The following DOCK8 variants were observed in gnomAD, a reference collection of about 807,000 sequenced individuals.
DOCK8 encodes dedicator of cytokinesis 8, also known as dedicator of cytokinesis protein 8.
Under a neutral mutation model 245.6 loss-of-function variants are expected in DOCK8, and 141 were observed. The ratio of observed to expected loss-of-function variants is 0.57; its 90% CI spans 0.50 to 0.66. DOCK8 has a LOEUF of 0.66. Among genes scored for constraint, DOCK8 ranks in the 30% least tolerant of loss-of-function variants. The pLI is 0.00. For synonymous variants in DOCK8, 1,168 were observed against 970.2 expected, an observed-to-expected ratio of 1.20 and a Z score of -3.79; for missense variants, 2,965 against 2,603.4, an observed-to-expected ratio of 1.14 and a Z score of -3.02.
rs547300777 is a variant in DOCK8 at position 272,166 on chromosome 9, C to A, written c.156+437C>A. Among the ~76,000 whole-genome samples the A allele has an allele frequency of 1.0e-3, 153 of 152,246 alleles. 1 individual carries two copies. Among genetic ancestry groups the A allele is most frequent in the African/African-American group, 3.5e-3 (144 of 41,524 alleles). The stretch of plus-strand genomic sequence containing the variant: ...TAATTTACATATAATAAAATTCACA[C>A]ATTTTAGGTGTACAATTTGGTGAAC... On this transcript the variant is annotated intron_variant, in intron 2 of 47. Transcript: ENST00000432829.
At chr9:345,914 G>C (rs997920788) in intron 14 of DOCK8, among the ~76,000 whole-genome samples, 4 of 151,958 alleles carry the variant, frequency 2.6e-5, no homozygotes, top group Non-Finnish European at 5.9e-5. Context: ...GGTCCGTGAG[G>C]GTTGGGCATT....
At chr9:262,648 G>T (rs184131219) in intron 1 of DOCK8, among the ~76,000 whole-genome samples, 1 of 151,678 alleles carries the variant, frequency 6.6e-6, no homozygotes, top group Admixed American at 6.6e-5. Context: ...GTGACAGAAA[G>T]CAAATTAGTA....
Position 325,694 on chromosome 9 carries a change from T to C in DOCK8, c.851T>C (p.Leu284Pro). 1 of 1,614,122 alleles carries C rather than the reference T, an allele frequency of 6.2e-7. No individual in the cohort carries two copies. The highest frequency in any genetic ancestry group is 8.5e-7 in the Non-Finnish European group (1 of 1,179,964). Residue 284 changes from leucine (L) to proline (P), a missense_variant, in exon 8 of 48, where the codon CTG becomes CCG. Physicochemically the swap from Leu to Pro is moderately conservative, Grantham distance 98. Around this residue, in one of 3 missense-constraint regions of DOCK8, gnomAD observed 2,825 missense variants for 2,453.5 expected, o/e 1.15. Coordinates refer to ENST00000432829, the MANE Select transcript of DOCK8 (RefSeq NM_203447.4). Reference protein sequence around the residue: ...TLKFEIEIEPLFASIALYDVK... With the variant: ...TLKFEIEIEPPFASIALYDVK... ...AGGTTCGAGATTGAAATTGAGCCCCTGTTTGCCAGCATTGCCCTCTACGAT... is the reference window on the plus strand; with the variant it reads ...AGGTTCGAGATTGAAATTGAGCCCCCGTTTGCCAGCATTGCCCTCTACGAT...
intron 1 of DOCK8, among the ~76,000 whole-genome samples, chr9:270,270 T>A (rs563754071): frequency 6.6e-6 from 1 of 152,244 alleles, no homozygotes; most frequent in Non-Finnish European, 1.5e-5. Flanking sequence ...CCTTGCCTCA[T>A]CATGTAACGG....
chr9:324,128 G>C (rs1056342787), intron 7 of DOCK8, among the ~76,000 whole-genome samples: 1 of 152,366 alleles, frequency 6.6e-6, no homozygotes, highest in Non-Finnish European at 1.5e-5. Context: ...TTAGCAGATG[G>C]TGGAGGAGGA....
chr9:359,769 T>A (rs2052628535), intron 14 of DOCK8, among the ~76,000 whole-genome samples: 1 of 150,036 alleles, frequency 6.7e-6, no homozygotes, highest in Non-Finnish European at 1.5e-5. Context: ...CTTTGCTGCA[T>A]TTCCACTTCA....
At chr9:234,697 G>C (rs934044626) in intron 1 of DOCK8, among the ~76,000 whole-genome samples, 2 of 152,232 alleles carry the variant, frequency 1.3e-5, no homozygotes, top group South Asian at 4.1e-4. Context: ...ATCGGCTACT[G>C]AGGCTTCTGC....
chr9:216,064 C>T (rs1403495552), intron 1 of DOCK8, among the ~76,000 whole-genome samples: 4 of 152,100 alleles, frequency 2.6e-5, no homozygotes, highest in South Asian at 2.1e-4. Context: ...AAAAACAAGG[C>T]GATAAGGTCT....
rs553321794 is a variant in DOCK8 at position 334,084 on chromosome 9, T to C, written c.1126-141T>C. On this transcript the variant is annotated intron_variant, in intron 10 of 47. Coordinates refer to ENST00000432829, the MANE Select transcript of DOCK8 (RefSeq NM_203447.4). Reference sequence around the variant, plus strand: ...CATTTTTCTGCCTATTCACTGTTTTTATTTTTTAGTGGGAAGATATGTTTT... The same window carrying C: ...CATTTTTCTGCCTATTCACTGTTTTCATTTTTTAGTGGGAAGATATGTTTT... 5.1e-5 allele frequency: 47 copies of C among 923,828 alleles called. No individual in the cohort carries two copies. The African/African-American group carries it at 6.8e-4, about 13-fold the overall frequency. 57.2% of individuals were successfully genotyped at this position (923,828 alleles called of 1,614,324 possible). A position where few individuals can be genotyped will look rare whatever the true frequency, so the allele number is the denominator to read the frequency against.
intron 1 of DOCK8, among the ~76,000 whole-genome samples, chr9:230,007 A>C (rs185380021): frequency 1.3e-5 from 2 of 150,432 alleles, no homozygotes; most frequent in East Asian, 3.9e-4. Flanking sequence ...GCACCCATTA[A>C]CTCATCATTT....
chr9:400,175 T>G (rs868316230), intron 26 of DOCK8, among the ~76,000 whole-genome samples: 3 of 39,222 alleles, frequency 7.6e-5, no homozygotes, highest in Non-Finnish European at 1.6e-4. Flanking sequence ...ACCTCCACCA[T>G]CACCACCTCC....
At chr9:290,423 G>T (rs543779571) in intron 4 of DOCK8, among the ~76,000 whole-genome samples, 2 of 152,256 alleles carry the variant, frequency 1.3e-5, no homozygotes, top group Admixed American at 1.3e-4. Flanking sequence ...TTCTAATTCT[G>T]ATGAATTCCC....
At chr9:214,598 G>A (rs148345292), upstream of DOCK8, 10 of 1,613,892 alleles carry the variant, frequency 6.2e-6, no homozygotes, top group African/African-American at 2.7e-5. Flanking sequence ...GCAGCTTCGG[G>A]CAGATGGAGC....
intron 1 of DOCK8, among the ~76,000 whole-genome samples, chr9:256,143 T>G (rs1161975287): frequency 6.6e-6 from 1 of 152,148 alleles, no homozygotes; most frequent in Non-Finnish European, 1.5e-5. Context: ...GATACAGTAT[T>G]AGGATTCATA....
rs180844971 is a variant in DOCK8, at chr9:292,479, A to G, written c.404+2898A>G. ...ATGTTATAATTTATCAACATTTCCA[A>G]TTTTATTTGATAAAAGGTTGTCTTT... On this transcript the variant is annotated intron_variant, in intron 4 of 47. Coordinates refer to ENST00000432829, the MANE Select transcript of DOCK8 (RefSeq NM_203447.4). Among the ~76,000 whole-genome samples the G allele has an allele frequency of 3.8e-3, 580 of 150,728 alleles. 1 individual carries two copies. The highest frequency in any genetic ancestry group is 7.1e-3 in the Non-Finnish European group (478 of 67,782).
intron 5 of DOCK8, among the ~76,000 whole-genome samples, chr9:311,340 G>T (rs1311237334): frequency 6.7e-6 from 1 of 149,914 alleles, no homozygotes; most frequent in African/African-American, 2.4e-5. Flanking sequence ...CCTGGGCGGG[G>T]TTCAAGCAGT....
At chr9:462,378 C>CT (rs2057832615) in intron 46 of DOCK8, among the ~76,000 whole-genome samples, 1 of 152,216 alleles carries the variant, frequency 6.6e-6, no homozygotes, top group African/African-American at 2.4e-5. Flanking sequence ...ATATGACTTT[C>CT]TTTTCCATAA....
Position 399,152 on chromosome 9 carries a change from G to A in DOCK8, c.3127G>A (p.Glu1043Lys). ...GTGTTTGTTTGTTTTTAAGGAAAAT[G>A]AACAGGCGGAAAAGATGAACATCAG... ...ALLVKPQKEN[E>K]QAEKMNISLA... Residue 1043 changes from glutamate (E) to lysine (K), a missense_variant, in exon 26 of 48, where the codon GAA becomes AAA. Transcript: ENST00000432829. The A allele has an allele frequency of 6.2e-7, 1 of 1,613,896 alleles. No individual in the cohort carries two copies. The highest frequency in any genetic ancestry group is 8.5e-7 in the Non-Finnish European group (1 of 1,179,942).
At position 439,622 on chromosome 9, in the gene DOCK8, T is replaced by G. The variant is rs17675989; in HGVS notation, c.5223+234T>G. Among the ~76,000 whole-genome samples the G allele has an allele frequency of 0.038, 5,776 of 152,312 alleles. 149 individuals are homozygous for G. Among genetic ancestry groups the G allele is most frequent in the Middle Eastern group, 0.068 (20 of 294 alleles). ...CAGTGCCGATCTGAGCTTCACTGTATGCTCATTGGTTGGGCAGCAGTTTCA... is the reference window on the plus strand; with the variant it reads ...CAGTGCCGATCTGAGCTTCACTGTAGGCTCATTGGTTGGGCAGCAGTTTCA... On this transcript the variant is annotated intron_variant, in intron 40 of 47. Transcript: ENST00000432829.
Sources: allele counts gnomAD v4.1 joint callset (sites outside exome capture counted in the v4.1 genomes callset), GRCh38; gene constraint gnomAD v4.1.1; regional missense constraint gnomAD v4.1.1; transcripts MANE v1.5; gene names NCBI Gene and HGNC (gene_info 2026-07-23, HGNC 2026-07-21).